Variants in TMEM11 observed in about 807,000 individuals in gnomAD.
The protein encoded by TMEM11 is transmembrane protein 11, mitochondrial.
A neutral mutation model predicts 17.0 loss-of-function variants in TMEM11; 1 was observed. The ratio of observed to expected loss-of-function variants is 0.06; its 90% CI spans 0.02 to 0.28. The LOEUF (loss-of-function observed/expected upper bound fraction) is 0.28, where lower values mean the gene tolerates loss of function less well. Ranked by LOEUF, TMEM11 falls within the 10% of genes least tolerant of loss-of-function variation. The pLI, the probability that TMEM11 is intolerant of heterozygous loss-of-function variation, is 1.00. For synonymous variants in TMEM11, 122 were observed against 118.1 expected (o/e 1.03, Z -0.21); for missense variants, 172 against 252.9 (o/e 0.68, Z 2.17).
At chr17:21,211,267 C>T (rs568839037) in intron 1 of TMEM11, 72 of 1,278,316 alleles carry the variant, frequency 5.6e-5, no homozygotes, top group Admixed American at 5.1e-4. Flanking sequence ...AACATGCAAG[C>T]ACTACCATTT....
chr17:21,199,328 GAAAAAA>G (rs58031189), intron 1 of TMEM11, among the ~76,000 whole-genome samples: 2 of 78,312 alleles, frequency 2.6e-5, no homozygotes, highest in Non-Finnish European at 4.6e-5. Context: ...CTCAGTCTCA[GAAAAAA>G]AAAAAAAAAA....
rs765996667 is a variant in TMEM11, at chr17:21,198,384, C to A, written c.519G>T (p.Thr173=). The change falls in exon 2 of 2, where the codon ACG becomes ACT. Residue 173 remains threonine, a synonymous_variant. Coordinates refer to ENST00000317635, the MANE Select transcript of TMEM11 (RefSeq NM_003876.3). This position sits in a 1 kb window ranked among gnomAD's most constrained non-coding sequence, Gnocchi z 6.5. ...DDLHRKRLHN[T]IALAALVYCV... is the part of the protein sequence containing the mutation. ...AGTACACCAGGGCGGCCAGTGCTAT[C>A]GTGTTGTGCAGTCTCTTTCTGTGCA... The A allele has an allele frequency of 5.6e-6, 9 of 1,614,208 alleles. No individual in the cohort carries two copies. Among genetic ancestry groups the A allele is most frequent in the Non-Finnish European group, 7.6e-6 (9 of 1,180,038 alleles).
At position 21,213,921 on chromosome 17, in the gene TMEM11, C is replaced by T. The variant is rs9901997; in HGVS notation, c.62+170G>A. 2.4e-3 allele frequency: 1,587 copies of T among 668,714 alleles called. 20 individuals carry two copies. The highest frequency in any genetic ancestry group is 0.023 in the African/African-American group (1,218 of 53,430). The allele number at this position is 668,714 out of a possible 1,614,324, so 41.4% of individuals were successfully genotyped here. A position where few individuals can be genotyped will look rare whatever the true frequency, so the allele number is the denominator to read the frequency against. ...CTCTCCGCCGAGGCCTTCGACCTCG[C>T]TCCCACCCGGATCCCGGATCCTCCG... On this transcript the variant is annotated intron_variant, in intron 1 of 1. Transcript: ENST00000317635.
rs2144285307 is a variant in TMEM11 at position 21,198,920 on chromosome 17, G to C, written c.63-80C>G. On this transcript the variant is annotated intron_variant, in intron 1 of 1. Transcript: ENST00000317635. This position sits in a 1 kb window ranked among gnomAD's most constrained non-coding sequence, Gnocchi z 6.5. ...CTGAGGAGCACTTAACTGTGTTTCAGCGCTGGGGGAGGTCTGAGCCTGCAC... is the reference window on the plus strand; with the variant it reads ...CTGAGGAGCACTTAACTGTGTTTCACCGCTGGGGGAGGTCTGAGCCTGCAC... 1.3e-6 allele frequency: 2 copies of C among 1,503,080 alleles called. No individual in the cohort carries two copies. The highest frequency in any genetic ancestry group is 2.3e-5 in the East Asian group (1 of 43,942). The allele number at this position is 1,503,080 out of a possible 1,614,324, so 93.1% of individuals were successfully genotyped here. A position where few individuals can be genotyped will look rare whatever the true frequency, so the allele number is the denominator to read the frequency against.
intron 1 of TMEM11, chr17:21,211,013 C>T: frequency 7.8e-7 from 1 of 1,289,824 alleles, no homozygotes; most frequent in Non-Finnish European, 1.0e-6. Flanking sequence ...GTAAGACAGG[C>T]AGGGCTGTCT....
intron 1 of TMEM11, among the ~76,000 whole-genome samples, chr17:21,199,328 G>GAAAAAAAAAAAAAAAAAAAAAAAA (rs58031189): frequency 1.3e-5 from 1 of 78,302 alleles, no homozygotes; most frequent in Non-Finnish European, 2.3e-5. Flanking sequence ...CTCAGTCTCA[G>GAAAAAAAAAAAAAAAAAAAAAAAA]AAAAAAAAAA....
chr17:21,198,441 G>A lies in TMEM11; in HGVS notation c.462C>T (p.Ser154=), dbSNP rs751510486. The A allele has an allele frequency of 1.9e-6, 3 of 1,614,250 alleles. No individual in the cohort carries two copies. Among genetic ancestry groups the A allele is most frequent in the African/African-American group, 1.3e-5 (1 of 75,060 alleles). The part of the protein sequence containing the change: ...SRLPLHTLTS[S]TPVVLVRKDD... ...CCTTCCGGACCAGCACCACCGGGGT[G>A]GAGGAGGTGAGTGTGTGCAGAGGCA... is the stretch of plus-strand genomic sequence containing the variant. Residue 154 remains serine (S), a synonymous_variant, in exon 2 of 2, where the codon TCC becomes TCT. Coordinates refer to ENST00000317635, the MANE Select transcript of TMEM11 (RefSeq NM_003876.3). The surrounding 1 kb of genome is among the most constrained non-coding windows in gnomAD (Gnocchi z 6.5).
intron 1 of TMEM11, among the ~76,000 whole-genome samples, chr17:21,207,046 C>T (rs964977911): frequency 2.0e-5 from 3 of 152,126 alleles, no homozygotes; most frequent in African/African-American, 7.2e-5. Context: ...AACCACCAGT[C>T]GGCTTCCCAA....
In TMEM11 at chr17:21,198,780, G is replaced by C. The variant is rs1271394268; in HGVS notation, c.123C>G (p.Ala41=). ...CCAGCTCGTACTCAAACTGGTCTTG[G>C]GCATTCTCCCCATTGTAGATCTCAT... ...IVHEIYNGEN[A]QDQFEYELEQ... is the part of the protein sequence containing the mutation. Residue 41 remains alanine, a synonymous_variant, in exon 2 of 2, where the codon GCC becomes GCG. Coordinates refer to ENST00000317635, the MANE Select transcript of TMEM11 (RefSeq NM_003876.3). This position sits in a 1 kb window ranked among gnomAD's most constrained non-coding sequence, Gnocchi z 6.5. 11 of 1,614,026 alleles carry C rather than the reference G, an allele frequency of 6.8e-6. No homozygotes were observed. The highest frequency in any genetic ancestry group is 9.3e-6 in the Non-Finnish European group (11 of 1,180,034).
At chr17:21,201,432 C>T (rs1346816547) in intron 1 of TMEM11, among the ~76,000 whole-genome samples, 4 of 152,152 alleles carry the variant, frequency 2.6e-5, no homozygotes, top group Admixed American at 6.5e-5. Flanking sequence ...GCTGCCAAGC[C>T]ACCTGTGACT....
chr17:21,213,044 C>T (rs986566739), intron 1 of TMEM11: 8 of 152,214 alleles, frequency 5.3e-5, no homozygotes, highest in African/African-American at 1.9e-4. Flanking sequence ...CTGGGAAAGC[C>T]ATCTGCAAGC....
At chr17:21,202,024 C>T (rs1974887879) in intron 1 of TMEM11, among the ~76,000 whole-genome samples, 1 of 152,206 alleles carries the variant, frequency 6.6e-6, no homozygotes, top group Non-Finnish European at 1.5e-5. Context: ...CGAGCAGTGC[C>T]CCCACGTGCT....
At chr17:21,202,097 G>C (rs1270968260) in intron 1 of TMEM11, among the ~76,000 whole-genome samples, 1 of 152,218 alleles carries the variant, frequency 6.6e-6, no homozygotes, top group African/African-American at 2.4e-5. Flanking sequence ...TGCGGGGAGG[G>C]GCGGGGCCTC....
intron 1 of TMEM11, among the ~76,000 whole-genome samples, chr17:21,211,787 G>T (rs1049050069): frequency 1.3e-5 from 2 of 152,246 alleles, no homozygotes; most frequent in Admixed American, 1.3e-4. Context: ...AAAAGCAGAT[G>T]CTAACCAGGT....
chr17:21,209,178 C>G (rs1181069526), intron 1 of TMEM11, among the ~76,000 whole-genome samples: 3 of 152,254 alleles, frequency 2.0e-5, no homozygotes, highest in African/African-American at 4.8e-5. Flanking sequence ...CTTTCCTATT[C>G]TGCGCACTGG....
chr17:21,201,456 G>T (rs779307677), intron 1 of TMEM11, among the ~76,000 whole-genome samples: 1 of 152,160 alleles, frequency 6.6e-6, no homozygotes, highest in African/African-American at 2.4e-5. Flanking sequence ...CCAGTGTCAC[G>T]GCTGCCTCGC....
intron 1 of TMEM11, among the ~76,000 whole-genome samples, chr17:21,206,218 T>C (rs773256729): frequency 1.4e-4 from 22 of 152,100 alleles, no homozygotes; most frequent in Non-Finnish European, 2.5e-4. Flanking sequence ...CCAACACTTG[T>C]TATTTTCCGT....
chr17:21,212,550 C>G (rs1427037270), intron 1 of TMEM11, among the ~76,000 whole-genome samples: 1 of 152,186 alleles, frequency 6.6e-6, no homozygotes, highest in African/African-American at 2.4e-5. Context: ...AGGACTGGAT[C>G]CAGCCTATGC....
At chr17:21,210,427 T>C (rs1597773494) in intron 1 of TMEM11, among the ~76,000 whole-genome samples, 1 of 152,010 alleles carries the variant, frequency 6.6e-6, no homozygotes, top group South Asian at 2.1e-4. Context: ...GCTCATCTCA[T>C]CCCAGCCAGA....
Sources: allele counts gnomAD v4.1 joint callset (sites outside exome capture counted in the v4.1 genomes callset), GRCh38; gene constraint gnomAD v4.1.1; non-coding constraint Gnocchi (gnomAD v3.1); transcripts MANE v1.5; gene names NCBI Gene and HGNC (gene_info 2026-07-23, HGNC 2026-07-21).